Variants in NRG1 observed in about 807,000 individuals in gnomAD.
NRG1 encodes pro-neuregulin-1, membrane-bound isoform.
NRG1 carries 18 observed loss-of-function variants against 63.8 expected under a neutral mutation model. The observed-to-expected ratio is 0.28, with a 90% CI of 0.19 to 0.42. The LOEUF is 0.42. Among genes scored for constraint, NRG1 ranks in the 10% least tolerant of loss-of-function variants. The pLI is 1.00. For synonymous variants in NRG1, 302 were observed against 301.3 expected, an observed-to-expected ratio of 1.00 and a Z score of -0.02; for missense variants, 762 against 814.7, an observed-to-expected ratio of 0.94 and a Z score of 0.79.
intron 1 of NRG1, among the ~76,000 whole-genome samples, chr8:32,314,452 A>AT (rs1554505468): frequency 5.9e-4 from 6 of 10,102 alleles, no homozygotes; most frequent in Admixed American, 4.6e-3. Context: ...TCGCGTGAAG[A>AT]CTAAGTAGAC....
intron 9 of NRG1, among the ~76,000 whole-genome samples, chr8:32,758,770 C>T (rs1830137708): frequency 1.3e-5 from 2 of 152,026 alleles, no homozygotes; most frequent in Admixed American, 1.3e-4. Flanking sequence ...ACAAGTTAAA[C>T]ATTTCAGTGA....
chr8:31,693,757 G>A (rs1187885677), intron 1 of NRG1, among the ~76,000 whole-genome samples: 1 of 152,168 alleles, frequency 6.6e-6, no homozygotes, highest in Non-Finnish European at 1.5e-5. Context: ...ATAATCAATG[G>A]CTGATATGTG....
At chr8:32,409,777 T>G (rs959062195) in intron 1 of NRG1, among the ~76,000 whole-genome samples, 13 of 152,216 alleles carry the variant, frequency 8.5e-5, no homozygotes, top group African/African-American at 3.1e-4. Flanking sequence ...TTTCTTCTTG[T>G]GCAAACTGGG....
chr8:32,759,444 A>G lies in NRG1; in HGVS notation c.1052+8A>G, dbSNP rs1392348494. On this transcript the variant is annotated splice_region_variant and intron_variant, in intron 10 of 11. Coordinates refer to ENST00000356819, the Ensembl canonical transcript of NRG1. ...CCAGACTCCTAGCCACAGGTATGAG[A>G]ATTTAAAAATTCCACGGCTTTTCTC... 1 of 1,609,708 alleles carries G rather than the reference A, an allele frequency of 6.2e-7. No homozygotes were observed. Among genetic ancestry groups the G allele is most frequent in the East Asian group, 2.2e-5 (1 of 44,760 alleles).
intron 1 of NRG1, among the ~76,000 whole-genome samples, chr8:31,725,483 CA>C (rs1330248713): frequency 6.6e-6 from 1 of 152,058 alleles, no homozygotes; most frequent in Non-Finnish European, 1.5e-5. Flanking sequence ...CATTTCTGTG[CA>C]AAAACAAATG....
intron 1 of NRG1, among the ~76,000 whole-genome samples, chr8:32,208,990 A>T (rs1844376576): frequency 6.6e-6 from 1 of 152,208 alleles, no homozygotes. Context: ...AAATGAACAC[A>T]GAGATTAAGA....
intron 7 of NRG1, among the ~76,000 whole-genome samples, chr8:32,751,427 C>A (rs773842453): frequency 6.6e-6 from 1 of 152,134 alleles, no homozygotes; most frequent in Non-Finnish European, 1.5e-5. Context: ...TTAGCCCTGT[C>A]TGTCTCTAAT....
intron 1 of NRG1, among the ~76,000 whole-genome samples, chr8:32,235,836 G>A (rs545670695): frequency 6.6e-6 from 1 of 152,022 alleles, no homozygotes; most frequent in Non-Finnish European, 1.5e-5. Flanking sequence ...TTGGGGATTA[G>A]TGATTCTCAA....
At chr8:32,048,338 T>C (rs1434223850) in intron 1 of NRG1, among the ~76,000 whole-genome samples, 1 of 149,652 alleles carries the variant, frequency 6.7e-6, no homozygotes, top group African/African-American at 2.4e-5. Flanking sequence ...TGTACATGTA[T>C]GTATGTATGA....
chr8:32,049,474 GGT>G (rs1821626775), intron 1 of NRG1, among the ~76,000 whole-genome samples: 1 of 151,988 alleles, frequency 6.6e-6, no homozygotes. Context: ...TTTTTGATAA[GGT>G]GTCACAGATT....
At chr8:31,967,962 G>A (rs563542813) in intron 1 of NRG1, among the ~76,000 whole-genome samples, 58 of 152,246 alleles carry the variant, frequency 3.8e-4, no homozygotes, top group African/African-American at 1.3e-3. Context: ...CCACCTTCTG[G>A]AGGTTCAGCT....
At chr8:32,423,716 C>T (rs1327704442) in intron 1 of NRG1, among the ~76,000 whole-genome samples, 6 of 152,114 alleles carry the variant, frequency 3.9e-5, no homozygotes, top group African/African-American at 1.2e-4. Flanking sequence ...GACCCACTAC[C>T]TAACCCACAT....
chr8:32,290,640 T>C (rs1477897010), intron 1 of NRG1, among the ~76,000 whole-genome samples: 5 of 152,146 alleles, frequency 3.3e-5, no homozygotes, highest in African/African-American at 1.2e-4. Context: ...TCACAGACCA[T>C]ATTCACGATA....
In NRG1 at chr8:32,385,186, AT is replaced by A. The variant is rs147889838; in HGVS notation, c.38-210631del. On this transcript the variant is annotated intron_variant, in intron 1 of 10. Transcript: ENST00000519301. ...AGGCGCCCGTCACCATGCCCGGCTA[AT>A]TTTTTTTTTTCTCTATTTTTAGTAG... Among the ~76,000 whole-genome samples the A allele has an allele frequency of 2.9e-3, 426 of 147,442 alleles. 3 individuals carry two copies. Among genetic ancestry groups the A allele is most frequent in the African/African-American group, 9.7e-3 (391 of 40,410 alleles).
At chr8:32,527,418 G>A (rs760317539) in intron 1 of NRG1, among the ~76,000 whole-genome samples, 1 of 151,972 alleles carries the variant, frequency 6.6e-6, no homozygotes, top group Non-Finnish European at 1.5e-5. Flanking sequence ...GAAACAGAAA[G>A]TCAAATATTA....
chr8:31,905,029 T>A (rs559143092), intron 1 of NRG1, among the ~76,000 whole-genome samples: 76 of 151,034 alleles, frequency 5.0e-4, no homozygotes, highest in South Asian at 4.6e-3. Context: ...AAAGTTTTTT[T>A]AAAAAAAAAT....
At chr8:32,702,872 A>G (rs775065408) in intron 5 of NRG1, among the ~76,000 whole-genome samples, 1 of 152,016 alleles carries the variant, frequency 6.6e-6, no homozygotes, top group Non-Finnish European at 1.5e-5. Flanking sequence ...GGCTGTTTAG[A>G]CTGTTTTTAT....
At chr8:32,764,507 G>A in exon 12 of NRG1, 1 of 1,055,276 alleles carries the variant, frequency 9.5e-7, no homozygotes, top group Non-Finnish European at 1.3e-6. Flanking sequence ...TCTGCAAATA[G>A]AAAACAGGAA....
At chr8:32,232,639 G>A (rs982235831) in intron 1 of NRG1, among the ~76,000 whole-genome samples, 1 of 152,096 alleles carries the variant, frequency 6.6e-6, no homozygotes, top group Admixed American at 6.5e-5. Flanking sequence ...CATTTCAGAC[G>A]ATTTTTGCTG....
Sources: allele counts gnomAD v4.1 joint callset (sites outside exome capture counted in the v4.1 genomes callset), GRCh38; gene constraint gnomAD v4.1.1; transcripts MANE v1.5; gene names NCBI Gene and HGNC (gene_info 2026-07-23, HGNC 2026-07-21).